The following NBAS variants were observed in gnomAD, a reference collection of about 807,000 sequenced individuals.
The protein encoded by NBAS is NAG/BC035112 fusion.
Under a neutral mutation model 302.5 loss-of-function variants are expected in NBAS, and 219 were observed. That is an observed-to-expected ratio of 0.72 (90% CI 0.65 to 0.81). NBAS has a LOEUF of 0.81. Ranked by LOEUF, NBAS falls within the 30% of genes least tolerant of loss-of-function variation. The pLI is 0.00. For synonymous variants in NBAS, 1,118 were observed against 1,021.6 expected, an observed-to-expected ratio of 1.09 and a Z score of -1.80; for missense variants, 2,932 against 2,841.6, an observed-to-expected ratio of 1.03 and a Z score of -0.72.
At position 15,238,632 on chromosome 2, in the gene NBAS, G is replaced by A. The variant is rs758862651; in HGVS notation, c.5779C>T (p.His1927Tyr). 26 of 1,613,162 alleles carry A rather than the reference G, an allele frequency of 1.6e-5. No individual in the cohort carries two copies. The highest frequency in any genetic ancestry group is 2.1e-5 in the Non-Finnish European group (25 of 1,179,862). Residue 1927 changes from histidine to tyrosine, a missense_variant, in exon 45 of 52, where the codon CAT becomes TAT. Physicochemically the swap from His to Tyr is moderately conservative, Grantham distance 83. Transcript: ENST00000281513. The part of the protein sequence containing the change: ...MTRKAIKTVK[H>Y]FIEKPRKRNS... Reference sequence around the variant, plus strand: ...CTTTTCCTTGGCTTCTCAATAAAATGTTTGACTGTCTTAATAGCCTTTCTA... The same window carrying A: ...CTTTTCCTTGGCTTCTCAATAAAATATTTGACTGTCTTAATAGCCTTTCTA...
intron 40 of NBAS, among the ~76,000 whole-genome samples, chr2:15,307,075 C>G (rs889938073): frequency 1.6e-4 from 24 of 152,198 alleles, no homozygotes; most frequent in African/African-American, 5.5e-4. Context: ...TGACAGGACC[C>G]CGAAGCTATG....
At chr2:15,058,473 G>A in the NBAS span, among the ~76,000 whole-genome samples, 2 of 152,194 alleles carry the variant, frequency 1.3e-5, no homozygotes, top group Admixed American at 1.3e-4. Flanking sequence ...GAATCAAAAA[G>A]TATATTTCTA....
chr2:14,856,734 A>G, the NBAS span, among the ~76,000 whole-genome samples: 161 of 152,194 alleles, frequency 1.1e-3, no homozygotes, highest in African/African-American at 3.1e-3. Context: ...ACTTGAAGAC[A>G]GTCTAATTGA....
chr2:15,062,302 T>C, the NBAS span, among the ~76,000 whole-genome samples: 2 of 152,204 alleles, frequency 1.3e-5, no homozygotes, highest in Non-Finnish European at 2.9e-5. Context: ...CACCATCTAT[T>C]ATCCTGTGTT....
the NBAS span, among the ~76,000 whole-genome samples, chr2:14,988,489 G>GA: frequency 6.6e-6 from 1 of 152,176 alleles, no homozygotes; most frequent in Non-Finnish European, 1.5e-5. Context: ...GAATCTGTGA[G>GA]AAAAATCAAT....
At chr2:15,034,028 AGGAGGAGGAAGGAGG>A in the NBAS span, among the ~76,000 whole-genome samples, 1 of 27,730 alleles carries the variant, frequency 3.6e-5, no homozygotes, top group Non-Finnish European at 5.7e-5. Context: ...GAAGAAGAAG[AGGAGGAGGAAGGAGG>A]AGGAGGAGGA....
At chr2:15,151,074 G>A in the NBAS span, among the ~76,000 whole-genome samples, 413 of 152,304 alleles carry the variant, frequency 2.7e-3, 2 homozygotes, top group African/African-American at 9.5e-3. Flanking sequence ...TAATGGAGCC[G>A]TAGAGAAATA....
the NBAS span, among the ~76,000 whole-genome samples, chr2:14,897,998 GT>G: frequency 1.3e-5 from 2 of 152,160 alleles, no homozygotes; most frequent in Non-Finnish European, 1.5e-5. Context: ...GGGTCCCAGT[GT>G]TTGTTCAAAA....
At chr2:15,368,137 A>G (rs2148343757) in intron 31 of NBAS, among the ~76,000 whole-genome samples, 1 of 151,978 alleles carries the variant, frequency 6.6e-6, no homozygotes. Context: ...TAAGTTGCAA[A>G]TAACATTTCT....
the NBAS span, among the ~76,000 whole-genome samples, chr2:15,105,516 T>C: frequency 6.6e-6 from 1 of 152,110 alleles, no homozygotes; most frequent in Non-Finnish European, 1.5e-5. Flanking sequence ...CATCCAGTGT[T>C]TTTATGGTCC....
chr2:15,502,691 G>A (rs1221978816), intron 11 of NBAS, among the ~76,000 whole-genome samples: 1 of 152,206 alleles, frequency 6.6e-6, no homozygotes, highest in Non-Finnish European at 1.5e-5. Flanking sequence ...AGTTGCTTTG[G>A]GTGAGTGAGT....
At chr2:15,400,648 C>T (rs1162530280) in intron 26 of NBAS, among the ~76,000 whole-genome samples, 1 of 152,164 alleles carries the variant, frequency 6.6e-6, no homozygotes, top group Non-Finnish European at 1.5e-5. Flanking sequence ...AAGTGGGCAG[C>T]AAACAGCTGC....
At chr2:15,178,124 A>G (rs1427263396) in intron 51 of NBAS, 6 of 470,332 alleles carry the variant, frequency 1.3e-5, no homozygotes, top group South Asian at 9.3e-5. Flanking sequence ...TCTGCTCTAG[A>G]TTCTCCTTCC....
intron 51 of NBAS, among the ~76,000 whole-genome samples, chr2:15,177,494 T>C (rs1664603472): frequency 6.6e-6 from 1 of 152,172 alleles, no homozygotes. Context: ...ACTCTGCCCA[T>C]GGAATCCAGG....
chr2:15,087,253 CA>C, the NBAS span, among the ~76,000 whole-genome samples: 218 of 138,838 alleles, frequency 1.6e-3, no homozygotes, highest in Middle Eastern at 6.9e-3. Context: ...CACACACACA[CA>C]CACCCCATAT....
intron 48 of NBAS, among the ~76,000 whole-genome samples, chr2:15,211,785 C>T (rs1666423521): frequency 6.6e-6 from 1 of 152,178 alleles, no homozygotes; most frequent in South Asian, 2.1e-4. Flanking sequence ...AGACCTCATC[C>T]AGTGACATCT....
intron 47 of NBAS, among the ~76,000 whole-genome samples, chr2:15,231,097 T>C (rs898128963): frequency 6.6e-6 from 1 of 152,240 alleles, no homozygotes; most frequent in Non-Finnish European, 1.5e-5. Context: ...TGTGAGCTCC[T>C]TGGGGTTAGA....
the NBAS span, among the ~76,000 whole-genome samples, chr2:14,913,183 A>G: frequency 2.1e-4 from 32 of 152,312 alleles, no homozygotes; most frequent in African/African-American, 7.2e-4. Flanking sequence ...TGCAATCCGC[A>G]TTGGCATTTA....
At chr2:15,509,280 T>C (rs1007712551) in intron 10 of NBAS, among the ~76,000 whole-genome samples, 12 of 152,318 alleles carry the variant, frequency 7.9e-5, no homozygotes, top group African/African-American at 2.9e-4. Context: ...TCAGTTATTA[T>C]GCTCTATGGT....
Sources: allele counts gnomAD v4.1 joint callset (sites outside exome capture counted in the v4.1 genomes callset), GRCh38; gene constraint gnomAD v4.1.1; transcripts MANE v1.5; gene names NCBI Gene and HGNC (gene_info 2026-07-23, HGNC 2026-07-21).